Variants in EMSY observed in about 807,000 individuals in gnomAD.
EMSY encodes BRCA2-interacting transcriptional repressor EMSY.
A neutral mutation model predicts 134.6 loss-of-function variants in EMSY; 26 were observed. That is an observed-to-expected ratio of 0.19 (90% CI 0.14 to 0.27). The LOEUF (loss-of-function observed/expected upper bound fraction) is 0.27, where lower values mean the gene tolerates loss of function less well. EMSY is among the 10% of genes least tolerant of loss of function. EMSY has a pLI of 1.00. For synonymous variants in EMSY, 579 were observed against 577.8 expected (o/e 1.00, Z -0.03); for missense variants, 1,305 against 1,611.4 (o/e 0.81, Z 3.26).
At chr11:76,490,090 C>T (rs1051226217) in intron 8 of EMSY, among the ~76,000 whole-genome samples, 1 of 152,094 alleles carries the variant, frequency 6.6e-6, no homozygotes, top group East Asian at 1.9e-4. Flanking sequence ...GAGTTTAAGT[C>T]TGTCATCTTG....
intron 9 of EMSY, among the ~76,000 whole-genome samples, chr11:76,502,820 A>T (rs897920074): frequency 6.6e-6 from 1 of 152,192 alleles, no homozygotes; most frequent in East Asian, 1.9e-4. Flanking sequence ...TACCATGCTC[A>T]CAGATCAGAA....
At chr11:76,455,220 T>C (rs908719569) in intron 4 of EMSY, among the ~76,000 whole-genome samples, 1 of 152,186 alleles carries the variant, frequency 6.6e-6, no homozygotes, top group Non-Finnish European at 1.5e-5. Flanking sequence ...CCTTTCTGAT[T>C]TCTTTAATAC....
chr11:76,453,396 A>G lies in EMSY; in HGVS notation c.245+8A>G. ...AACAACAATTGCACATAAGTAAGCC[A>G]TTAGTCGTACCATCCCTGATTTTTT... On this transcript the variant is annotated splice_region_variant and intron_variant, in intron 4 of 20. Transcript: ENST00000334736. 1.2e-6 allele frequency: 2 copies of G among 1,611,216 alleles called. No homozygotes were observed. The highest frequency in any genetic ancestry group is 2.2e-5 in the East Asian group (1 of 44,808).
At chr11:76,482,194 A>C (rs1949009465) in intron 8 of EMSY, among the ~76,000 whole-genome samples, 1 of 152,198 alleles carries the variant, frequency 6.6e-6, no homozygotes, top group African/African-American at 2.4e-5. Context: ...GCAGAAAGGA[A>C]TAGCATCAAC....
intron 14 of EMSY, among the ~76,000 whole-genome samples, chr11:76,532,370 G>C (rs1450978357): frequency 2.3e-5 from 3 of 130,782 alleles, no homozygotes; most frequent in Non-Finnish European, 4.9e-5. Flanking sequence ...TTTTTTTTCT[G>C]GAGTTCCCCC....
chr11:76,491,177 CTT>C (rs61688457), intron 8 of EMSY, among the ~76,000 whole-genome samples: 2,050 of 129,848 alleles, frequency 0.016, 37 homozygotes, highest in African/African-American at 0.051. Flanking sequence ...CTTCTTTTTT[CTT>C]TTTTTTTTTT....
intron 7 of EMSY, among the ~76,000 whole-genome samples, chr11:76,466,646 A>G (rs1199799142): frequency 6.6e-6 from 1 of 152,134 alleles, no homozygotes; most frequent in Non-Finnish European, 1.5e-5. Flanking sequence ...GTCACTATAT[A>G]ATATATTAAA....
chr11:76,507,604 A>C (rs1950123776), intron 9 of EMSY, among the ~76,000 whole-genome samples: 1 of 152,206 alleles, frequency 6.6e-6, no homozygotes, highest in Non-Finnish European at 1.5e-5. Context: ...TCATCTAGTC[A>C]AGTTTTATCA....
chr11:76,526,944 C>T (rs1185865376), intron 13 of EMSY, among the ~76,000 whole-genome samples: 1 of 152,088 alleles, frequency 6.6e-6, no homozygotes, highest in Admixed American at 6.6e-5. Context: ...GGATCATAGT[C>T]ATTCAGAATC....
chr11:76,498,132 T>G (rs937209121), intron 9 of EMSY, among the ~76,000 whole-genome samples: 9 of 151,902 alleles, frequency 5.9e-5, no homozygotes, highest in East Asian at 1.9e-4. Context: ...TTTCTGGGTT[T>G]GTTTGTTTGT....
In EMSY at chr11:76,496,120, C is replaced by G; in HGVS notation, c.1109-95C>G. 3 of 1,345,162 alleles carry G rather than the reference C, an allele frequency of 2.2e-6. No individual in the cohort carries two copies. In the East Asian group the frequency reaches 7.0e-5, roughly 31 times the overall value. 83.3% of individuals were successfully genotyped at this position (1,345,162 alleles called of 1,614,324 possible). A position where few individuals can be genotyped will look rare whatever the true frequency, so the allele number is the denominator to read the frequency against. On this transcript the variant is annotated intron_variant, in intron 8 of 20. Transcript: ENST00000334736. ...ATAAATTGTACTTTTTGTTGATTTCCCTATTCTTTAAACTATTATCTACTA... is the reference window on the plus strand; with the variant it reads ...ATAAATTGTACTTTTTGTTGATTTCGCTATTCTTTAAACTATTATCTACTA...
intron 8 of EMSY, among the ~76,000 whole-genome samples, chr11:76,490,754 G>A (rs1428922675): frequency 6.6e-6 from 1 of 152,022 alleles, no homozygotes; most frequent in Non-Finnish European, 1.5e-5. Flanking sequence ...TCCTATTCCA[G>A]CCTTGGAATC....
chr11:76,525,914 A>G (rs1457828238), intron 12 of EMSY, among the ~76,000 whole-genome samples: 3 of 152,090 alleles, frequency 2.0e-5, no homozygotes, highest in Admixed American at 6.6e-5. Flanking sequence ...TTGCTTGCCC[A>G]TACTTTTTCA....
intron 12 of EMSY, 72 bp downstream of exon 13, chr11:76,523,363 A>G (rs1453075585): frequency 1.3e-6 from 2 of 1,517,834 alleles, no homozygotes; most frequent in African/African-American, 2.8e-5. Flanking sequence ...AAATATTTGC[A>G]CAAGGACTTG....
intron 11 of EMSY, among the ~76,000 whole-genome samples, chr11:76,518,090 C>T (rs929915675): frequency 6.6e-6 from 1 of 151,364 alleles, no homozygotes; most frequent in Non-Finnish European, 1.5e-5. Flanking sequence ...AATGAATTTA[C>T]ACAGTTTTCT....
At chr11:76,498,554 A>G (rs879131939) in intron 9 of EMSY, among the ~76,000 whole-genome samples, 4 of 152,174 alleles carry the variant, frequency 2.6e-5, no homozygotes, top group Admixed American at 2.6e-4. Context: ...TCTTCCTGGT[A>G]TATTGATCCT....
At chr11:76,509,798 A>G (rs1162444550) in intron 9 of EMSY, among the ~76,000 whole-genome samples, 1 of 152,238 alleles carries the variant, frequency 6.6e-6, no homozygotes, top group East Asian at 1.9e-4. Context: ...GCTTTTGTTA[A>G]TGGCAAGGGA....
intron 9 of EMSY, 118 bp from the exon 11 acceptor site, chr11:76,513,263 TAAAAA>T: frequency 1.3e-6 from 1 of 753,706 alleles, no homozygotes; most frequent in Non-Finnish European, 1.9e-6. Context: ...TCATCAGTAT[TAAAAA>T]AAACTTCTCT....
chr11:76,546,264 A>G (rs1474752857), exon 20 of EMSY: 1 of 1,612,808 alleles, frequency 6.2e-7, no homozygotes, highest in Non-Finnish European at 8.5e-7. Flanking sequence ...GCCAAAAGAA[A>G]GCTGAAGAGA....
Sources: allele counts gnomAD v4.1 joint callset (sites outside exome capture counted in the v4.1 genomes callset), GRCh38; gene constraint gnomAD v4.1.1; transcripts MANE v1.5; gene names NCBI Gene and HGNC (gene_info 2026-07-23, HGNC 2026-07-21).